Variants in PRKCA observed in about 807,000 individuals in gnomAD.
PRKCA encodes protein kinase C alpha, also known as protein kinase C alpha type.
Under a neutral mutation model 87.0 loss-of-function variants are expected in PRKCA, and 27 were observed. The observed-to-expected ratio is 0.31, with a 90% CI of 0.23 to 0.43. PRKCA has a LOEUF of 0.43. PRKCA is among the 20% of genes least tolerant of loss of function. The pLI, the probability that PRKCA is intolerant of heterozygous loss-of-function variation, is 1.00. For synonymous variants in PRKCA, 329 were observed against 311.1 expected (o/e 1.06, Z -0.61); for missense variants, 518 against 852.3 (o/e 0.61, Z 4.88).
chr17:66,651,981 C>T (rs552889620), intron 5 of PRKCA, among the ~76,000 whole-genome samples: 4 of 152,082 alleles, frequency 2.6e-5, no homozygotes, highest in Non-Finnish European at 5.9e-5. Flanking sequence ...TTTTTTGAGA[C>T]ACAGTCTCAC....
intron 3 of PRKCA, among the ~76,000 whole-genome samples, chr17:66,534,828 C>T (rs1201067991): frequency 6.6e-6 from 1 of 152,178 alleles, no homozygotes; most frequent in Non-Finnish European, 1.5e-5. Context: ...CTGACAGTGA[C>T]ATGAAGGGGA....
In PRKCA at chr17:66,760,943, C is replaced by A. The variant is rs1373646674; in HGVS notation, c.1525-13044C>A. Among the ~76,000 whole-genome samples, 10 of 152,102 alleles carry A rather than the reference C, an allele frequency of 6.6e-5. No individual in the cohort carries two copies. The East Asian group carries it at 1.9e-3, about 29-fold the overall frequency. On this transcript the variant is annotated intron_variant, in intron 13 of 16. Coordinates refer to ENST00000413366, the MANE Select transcript of PRKCA (RefSeq NM_002737.3). ...CTTAGGCTGTTCTGCTGTTTGCTTC[C>A]CATTCTTACAGGGAGGTAAAAAAGG...
intron 3 of PRKCA, among the ~76,000 whole-genome samples, chr17:66,513,475 A>G (rs1443325142): frequency 1.3e-5 from 2 of 152,244 alleles, no homozygotes; most frequent in African/African-American, 4.8e-5. Flanking sequence ...TAACTAGAAT[A>G]CTTAACCACT....
intron 2 of PRKCA, among the ~76,000 whole-genome samples, chr17:66,363,231 GTCTA>G (rs1407288040): frequency 1.2e-4 from 19 of 152,202 alleles, no homozygotes; most frequent in African/African-American, 2.7e-4. Flanking sequence ...AACATTGCAT[GTCTA>G]TCTGTGTGTG....
chr17:66,505,815 A>G (rs906303432), intron 3 of PRKCA, among the ~76,000 whole-genome samples: 2 of 152,184 alleles, frequency 1.3e-5, no homozygotes, highest in South Asian at 2.1e-4. Flanking sequence ...GAATCATTGT[A>G]TAATGTCTCC....
chr17:66,623,818 C>T (rs1476822289), intron 3 of PRKCA, among the ~76,000 whole-genome samples: 2 of 151,972 alleles, frequency 1.3e-5, no homozygotes, highest in Admixed American at 6.6e-5. Flanking sequence ...TTGAGTTGAG[C>T]CCTGAATGAC....
chr17:66,419,469 A>C lies in PRKCA; in HGVS notation c.206-76732A>C, dbSNP rs1266170869. Among the ~76,000 whole-genome samples, 4 of 152,208 alleles carry C rather than the reference A, an allele frequency of 2.6e-5. No homozygotes were observed. The East Asian group carries it at 7.7e-4, about 29-fold the overall frequency. On this transcript the variant is annotated intron_variant, in intron 2 of 16. Coordinates refer to ENST00000413366, the MANE Select transcript of PRKCA (RefSeq NM_002737.3). ...GTCAAATATAATTTGGTCACCAAAAACGAAATAATAGTTTAAAACAAGTAG... is the reference window on the plus strand; with the variant it reads ...GTCAAATATAATTTGGTCACCAAAACCGAAATAATAGTTTAAAACAAGTAG...
chr17:66,322,136 C>T (rs1426416038), intron 2 of PRKCA, among the ~76,000 whole-genome samples: 1 of 152,182 alleles, frequency 6.6e-6, no homozygotes, highest in African/African-American at 2.4e-5. Context: ...ATCTCATTTA[C>T]AAGCATAGTT....
At chr17:66,377,046 AT>A (rs1357456838) in intron 2 of PRKCA, among the ~76,000 whole-genome samples, 1 of 146,858 alleles carries the variant, frequency 6.8e-6, no homozygotes, top group African/African-American at 2.5e-5. Flanking sequence ...TTTATTTGAG[AT>A]GGAGTTTCAC....
intron 2 of PRKCA, among the ~76,000 whole-genome samples, chr17:66,483,752 A>G (rs1349554915): frequency 1.3e-5 from 2 of 152,004 alleles, no homozygotes; most frequent in Middle Eastern, 3.2e-3. Context: ...GAGCCACCGC[A>G]CCCAGCCCAA....
intron 2 of PRKCA, among the ~76,000 whole-genome samples, chr17:66,417,972 ACT>A (rs1214617557): frequency 6.6e-6 from 1 of 151,862 alleles, no homozygotes; most frequent in African/African-American, 2.4e-5. Context: ...AATGTTGCAC[ACT>A]CTCTGTTTTA....
At chr17:66,662,884 C>G (rs1206256905) in intron 5 of PRKCA, among the ~76,000 whole-genome samples, 2 of 152,142 alleles carry the variant, frequency 1.3e-5, no homozygotes, top group African/African-American at 4.8e-5. Context: ...GTCTCTTGTG[C>G]TCATGAACTC....
At chr17:66,570,397 A>G (rs1969042141) in intron 3 of PRKCA, among the ~76,000 whole-genome samples, 1 of 152,250 alleles carries the variant, frequency 6.6e-6, no homozygotes, top group Non-Finnish European at 1.5e-5. Flanking sequence ...TGTTTGTTTT[A>G]GAAATGCCTT....
At chr17:66,548,207 C>G (rs1379795237) in intron 3 of PRKCA, among the ~76,000 whole-genome samples, 1 of 152,130 alleles carries the variant, frequency 6.6e-6, no homozygotes. Flanking sequence ...TACACTTCTC[C>G]TTAGCTGTGA....
chr17:66,452,302 T>C (rs1363496775), intron 2 of PRKCA, among the ~76,000 whole-genome samples: 1 of 152,196 alleles, frequency 6.6e-6, no homozygotes, highest in Non-Finnish European at 1.5e-5. Flanking sequence ...AGACCTCAGA[T>C]AGGAATGGAG....
chr17:66,748,762 A>C (rs952631438), intron 13 of PRKCA, among the ~76,000 whole-genome samples: 2 of 152,114 alleles, frequency 1.3e-5, no homozygotes, highest in Admixed American at 1.3e-4. Flanking sequence ...GGCTGAAGGA[A>C]GCATCATTTA....
intron 2 of PRKCA, among the ~76,000 whole-genome samples, chr17:66,376,427 G>A (rs1447441793): frequency 6.6e-6 from 1 of 152,148 alleles, no homozygotes; most frequent in Non-Finnish European, 1.5e-5. Flanking sequence ...GGCCAACATG[G>A]TAAAACCCCA....
Position 66,684,532 on chromosome 17 carries a change from T to C in PRKCA, c.530-2579T>C, listed in dbSNP as rs192371552. Among the ~76,000 whole-genome samples, 3 of 152,366 alleles carry C rather than the reference T, an allele frequency of 2.0e-5. No homozygotes were observed. In the East Asian group the frequency reaches 5.8e-4, roughly 29 times the overall value. Reference sequence around the variant, plus strand: ...ATAAGAAATTGAAATTTGGACCCACTATTTGCTTCAATGACATTTAGAATT... The same window carrying C: ...ATAAGAAATTGAAATTTGGACCCACCATTTGCTTCAATGACATTTAGAATT... On this transcript the variant is annotated intron_variant, in intron 5 of 16. Transcript: ENST00000413366.
At chr17:66,791,076 C>A (rs113741002) in intron 16 of PRKCA, among the ~76,000 whole-genome samples, 1 of 151,378 alleles carries the variant, frequency 6.6e-6, no homozygotes, top group African/African-American at 2.4e-5. Context: ...TATACATGTG[C>A]CATGTCGGTG....
Sources: allele counts gnomAD v4.1 joint callset (sites outside exome capture counted in the v4.1 genomes callset), GRCh38; gene constraint gnomAD v4.1.1; transcripts MANE v1.5; gene names NCBI Gene and HGNC (gene_info 2026-07-23, HGNC 2026-07-21).